PYGL: variants seen among roughly 807,000 people sequenced by gnomAD.
The protein encoded by PYGL is glycogen phosphorylase, liver form.
Under a neutral mutation model 100.1 loss-of-function variants are expected in PYGL, and 90 were observed. The observed-to-expected ratio is 0.90, with a 90% confidence interval of 0.76 to 1.07. The LOEUF is 1.07. Among genes scored for constraint, PYGL ranks in the 50% least tolerant of loss-of-function variants. The probability of loss-of-function intolerance (pLI) is 0.00; values close to 1 mark genes in which losing one functional copy is unlikely to be tolerated. For synonymous variants in PYGL, 373 were observed against 393.0 expected, an observed-to-expected ratio of 0.95 and a Z score of 0.60; for missense variants, 1,016 against 1,057.6, an observed-to-expected ratio of 0.96 and a Z score of 0.55.
intron 3 of PYGL, 60 bp downstream of exon 3, chr14:50,935,047 A>G (rs1303880346): frequency 4.1e-6 from 6 of 1,458,694 alleles, no homozygotes; most frequent in Non-Finnish European, 5.8e-6. Context: ...ATGGTCATGC[A>G]TGGCATCTGA....
At chr14:50,927,524 C>T (rs2050562483) in intron 4 of PYGL, among the ~76,000 whole-genome samples, 1 of 152,180 alleles carries the variant, frequency 6.6e-6, no homozygotes, top group African/African-American at 2.4e-5. Flanking sequence ...CACGATAAGC[C>T]ACATTTGCTC....
intron 4 of PYGL, among the ~76,000 whole-genome samples, chr14:50,924,706 T>C (rs896205825): frequency 1.3e-5 from 2 of 152,240 alleles, no homozygotes; most frequent in Non-Finnish European, 2.9e-5. Context: ...TAATGAACTA[T>C]AGATTATAGT....
At chr14:50,920,711 C>A in intron 6 of PYGL, 88 bp from the exon 7 acceptor site, 2 of 1,350,704 alleles carry the variant, frequency 1.5e-6, no homozygotes, top group South Asian at 2.4e-5. Flanking sequence ...TGCTGTGTGT[C>A]ATGTGGGATT....
At chr14:50,940,665 T>C (rs2050695068) in intron 1 of PYGL, among the ~76,000 whole-genome samples, 1 of 152,190 alleles carries the variant, frequency 6.6e-6, no homozygotes. Flanking sequence ...TTGTTACATA[T>C]GACTGATAGT....
At chr14:50,940,115 T>A (rs569012263) in intron 1 of PYGL, among the ~76,000 whole-genome samples, 8 of 152,328 alleles carry the variant, frequency 5.3e-5, no homozygotes, top group East Asian at 1.9e-4. Context: ...GTACCTTCTC[T>A]GGGGCAGACA....
chr14:50,914,841 G>A (rs1158200834), intron 11 of PYGL, 26 bp from the exon 12 acceptor site: 8 of 1,564,334 alleles, frequency 5.1e-6, no homozygotes, highest in Non-Finnish European at 7.0e-6. Context: ...ACACATCACT[G>A]AATTTGGCTG....
chr14:50,921,161 C>G, intron 5 of PYGL, 94 bp from the exon 6 acceptor site: 1 of 991,352 alleles, frequency 1.0e-6, no homozygotes, highest in Non-Finnish European at 1.6e-6. Context: ...GAATTCTATT[C>G]CTGGCTCCAT....
chr14:50,915,280 C>A, intron 11 of PYGL, 56 bp downstream of exon 11: 1 of 1,588,414 alleles, frequency 6.3e-7, no homozygotes, highest in Non-Finnish European at 8.6e-7. Flanking sequence ...CATTTAGTAG[C>A]ATCATTCCAT....
rs537631005 is a variant in PYGL, at chr14:50,920,759, C to A, written c.773-136G>T. 8 of 1,085,280 alleles carry A rather than the reference C, an allele frequency of 7.4e-6. No individual in the cohort carries two copies. The South Asian group carries it at 8.0e-5, about 11-fold the overall frequency. 67.2% of individuals were successfully genotyped at this position (1,085,280 alleles called of 1,614,324 possible). ...AAAAATCCCAAAGGATTTCAACACA[C>A]CGTCATGCTGGACTTCACATGAGAA... On this transcript the variant is annotated intron_variant, in intron 6 of 19. Transcript: ENST00000216392.
chr14:50,939,997 CT>C (rs1255757694), intron 1 of PYGL, among the ~76,000 whole-genome samples: 1 of 152,198 alleles, frequency 6.6e-6, no homozygotes, highest in African/African-American at 2.4e-5. Flanking sequence ...CCTAACACTG[CT>C]TTCCAGAACA....
At chr14:50,920,384 G>A (rs183056410) in intron 7 of PYGL, among the ~76,000 whole-genome samples, 157 bp downstream of exon 7, 1 of 152,142 alleles carries the variant, frequency 6.6e-6, no homozygotes, top group Non-Finnish European at 1.5e-5. Context: ...TCCTTACTTG[G>A]TTGGGAGGAG....
chr14:50,919,470 T>C (rs1357236549), intron 7 of PYGL, among the ~76,000 whole-genome samples: 6 of 152,190 alleles, frequency 3.9e-5, no homozygotes, highest in Admixed American at 3.9e-4. Flanking sequence ...AAGGACTATT[T>C]ATGTCCTAGT....
intron 5 of PYGL, among the ~76,000 whole-genome samples, chr14:50,921,843 G>A (rs1283413764): frequency 1.3e-5 from 2 of 152,186 alleles, no homozygotes; most frequent in African/African-American, 2.4e-5. Flanking sequence ...TATGATGAAA[G>A]TAAATGGAAT....
chr14:50,924,733 A>T (rs371902237), intron 4 of PYGL, among the ~76,000 whole-genome samples: 3 of 152,242 alleles, frequency 2.0e-5, no homozygotes, highest in East Asian at 3.8e-4. Flanking sequence ...TGAAAATAAC[A>T]TATTCCAAGA....
intron 19 of PYGL, among the ~76,000 whole-genome samples, chr14:50,907,123 C>T (rs1304298130): frequency 6.6e-6 from 1 of 152,172 alleles, no homozygotes; most frequent in African/African-American, 2.4e-5. Flanking sequence ...TTACAAAACA[C>T]AGCTAGAGAG....
rs1172207761 is a variant in PYGL, at chr14:50,910,192, A to T, written c.1970-90T>A. On this transcript the variant is annotated intron_variant, in intron 16 of 19. Coordinates refer to ENST00000216392, the MANE Select transcript of PYGL (RefSeq NM_002863.5). ...GCATTTATTAAGTTGGGCTGTTTTGATAATTAAAGTAATACATGCACATTA... is the reference window on the plus strand; with the variant it reads ...GCATTTATTAAGTTGGGCTGTTTTGTTAATTAAAGTAATACATGCACATTA... 25 of 1,336,060 alleles carry T rather than the reference A, an allele frequency of 1.9e-5. No individual in the cohort carries two copies. In the Admixed American group the frequency reaches 4.3e-4, roughly 23 times the overall value. The allele number at this position is 1,336,060 out of a possible 1,614,324, so 82.8% of individuals were successfully genotyped here.
rs35026927 is a variant in PYGL, at chr14:50,911,799, C to G, written c.1900G>C (p.Asp634His). ...TTCAACTTGCTTCCAACCATAGGGT[C>G]ATTGTTCACCACATCTGCCACTGAA... The part of the protein sequence containing the change: ...ITSVADVVNN[D>H]PMVGSKLKVI... Residue 634 changes from aspartate to histidine, a missense_variant, in exon 16 of 20, where the codon GAC becomes CAC. By Grantham distance (81) the Asp-to-His change is moderately conservative. Coordinates refer to ENST00000216392, the MANE Select transcript of PYGL (RefSeq NM_002863.5). The G allele has an allele frequency of 6.6e-3, 10,687 of 1,614,102 alleles. 49 individuals are homozygous for G. Among genetic ancestry groups the G allele is most frequent in the Non-Finnish European group, 8.2e-3 (9,721 of 1,179,938 alleles).
Position 50,915,386 on chromosome 14 carries a change from A to C in PYGL, c.1353T>G (p.His451Gln), listed in dbSNP as rs745400019. The C allele has an allele frequency of 3.7e-6, 6 of 1,614,184 alleles. No individual in the cohort carries two copies. The South Asian group carries it at 4.4e-5, about 12-fold the overall frequency. Residue 451 changes from histidine to glutamine, a missense_variant, in exon 11 of 20, where the codon CAT (histidine) becomes CAG (glutamine). Physicochemically the swap from His to Gln is conservative, Grantham distance 24. Coordinates refer to ENST00000216392, the MANE Select transcript of PYGL (RefSeq NM_002863.5). ...NMAHLCIVGS[H>Q]AVNGVAKIHS... is the part of the protein sequence containing the mutation. Reference sequence around the variant, plus strand: ...GGATTTTAGCCACGCCATTCACAGCATGGGAACCGACAATGCAGAGATGGG... The same window carrying C: ...GGATTTTAGCCACGCCATTCACAGCCTGGGAACCGACAATGCAGAGATGGG...
intron 3 of PYGL, among the ~76,000 whole-genome samples, chr14:50,933,826 T>TAC (rs1157300930): frequency 6.6e-6 from 1 of 152,108 alleles, no homozygotes; most frequent in Non-Finnish European, 1.5e-5. Context: ...CCTATATATT[T>TAC]ACACACACAC....
Sources: allele counts gnomAD v4.1 joint callset (sites outside exome capture counted in the v4.1 genomes callset), GRCh38; gene constraint gnomAD v4.1.1; transcripts MANE v1.5; gene names NCBI Gene and HGNC (gene_info 2026-07-23, HGNC 2026-07-21).